DOCK1: variants seen among roughly 807,000 people sequenced by gnomAD.
The protein encoded by DOCK1 is dedicator of cytokinesis 1, also known as dedicator of cytokinesis protein 1.
In DOCK1, 138 loss-of-function variants were observed where a neutral mutation model predicts 262.7. The ratio of observed to expected loss-of-function variants is 0.53; its 90% confidence interval spans 0.46 to 0.61. The LOEUF (loss-of-function observed/expected upper bound fraction) is 0.61, where lower values mean the gene tolerates loss of function less well. Ranked by LOEUF, DOCK1 falls within the 20% of genes least tolerant of loss-of-function variation. The pLI, the probability that DOCK1 is intolerant of heterozygous loss-of-function variation, is 0.00. For synonymous variants in DOCK1, 866 were observed against 867.4 expected (o/e 1.00, Z 0.03); for missense variants, 1,908 against 2,370.7 (o/e 0.80, Z 4.05).
At chr10:126,992,751 C>T (rs1445668647) in intron 6 of DOCK1, among the ~76,000 whole-genome samples, 1 of 143,050 alleles carries the variant, frequency 7.0e-6, no homozygotes, top group African/African-American at 2.6e-5. Context: ...CACACACACA[C>T]ACACACACAC....
At chr10:127,130,804 G>T (rs1410785321) in intron 27 of DOCK1, among the ~76,000 whole-genome samples, 2 of 152,144 alleles carry the variant, frequency 1.3e-5, no homozygotes, top group Non-Finnish European at 2.9e-5. Context: ...TTCCAGCCTG[G>T]ATTTGGTTCC....
intron 2 of DOCK1, 124 bp downstream of exon 2, chr10:126,970,909 C>A (rs955530071): frequency 1.9e-6 from 2 of 1,080,008 alleles, no homozygotes; most frequent in Non-Finnish European, 2.6e-6. Context: ...CCTTCTCAGG[C>A]TCCCTTTTCT....
chr10:127,068,662 T>G (rs967026931), intron 23 of DOCK1, among the ~76,000 whole-genome samples: 1 of 152,224 alleles, frequency 6.6e-6, no homozygotes, highest in African/African-American at 2.4e-5. Flanking sequence ...ACTGTTAGCA[T>G]TTTTGTTTTT....
chr10:127,258,569 A>G (rs1051104731), intron 29 of DOCK1, among the ~76,000 whole-genome samples: 2 of 152,208 alleles, frequency 1.3e-5, no homozygotes, highest in Non-Finnish European at 2.9e-5. Context: ...GGCTATCCCC[A>G]GTTTGTGGCT....
At chr10:127,208,443 T>C (rs954582033) in intron 27 of DOCK1, among the ~76,000 whole-genome samples, 1 of 152,182 alleles carries the variant, frequency 6.6e-6, no homozygotes. Flanking sequence ...TGATGACTGA[T>C]GTAATTTAGT....
chr10:127,062,273 A>G (rs921422176), intron 23 of DOCK1, among the ~76,000 whole-genome samples: 4 of 152,050 alleles, frequency 2.6e-5, no homozygotes, highest in African/African-American at 9.7e-5. Context: ...TAGATGACAC[A>G]TAAAAACTGT....
chr10:127,402,880 C>T (rs534069100), intron 38 of DOCK1, among the ~76,000 whole-genome samples, 175 bp from the exon 39 acceptor site: 2 of 152,316 alleles, frequency 1.3e-5, no homozygotes, highest in South Asian at 2.1e-4. Flanking sequence ...CCGCAGGTCA[C>T]GAGCCAAAAG....
intron 27 of DOCK1, among the ~76,000 whole-genome samples, chr10:127,181,025 CCTCT>C (rs1306895226): frequency 2.0e-5 from 3 of 152,074 alleles, no homozygotes; most frequent in African/African-American, 7.2e-5. Context: ...CTGAAGCAGG[CCTCT>C]GGAAGGCATA....
intron 46 of DOCK1, among the ~76,000 whole-genome samples, chr10:127,422,484 A>G (rs2068579044): frequency 6.6e-6 from 1 of 152,120 alleles, no homozygotes; most frequent in African/African-American, 2.4e-5. Flanking sequence ...TTTAAGTAAT[A>G]GCCATTTTAA....
intron 18 of DOCK1, among the ~76,000 whole-genome samples, chr10:127,036,230 C>A (rs2043606189): frequency 6.6e-6 from 1 of 152,136 alleles, no homozygotes; most frequent in Non-Finnish European, 1.5e-5. Context: ...GTTACCTCCC[C>A]AGGCCAAGTG....
At chr10:127,415,127 T>G (rs745712028) in intron 43 of DOCK1, 25 bp from the exon 44 acceptor site, 115 of 1,596,670 alleles carry the variant, frequency 7.2e-5, no homozygotes, top group Non-Finnish European at 8.9e-5. Flanking sequence ...CTAACCCGTG[T>G]TGTGTGTGTG....
In DOCK1 at chr10:127,410,924, G is replaced by T; in HGVS notation, c.4428G>T (p.Ala1476=). Residue 1476 remains alanine (A), a splice_region_variant and synonymous_variant, in exon 43 of 52, where the codon GCG becomes GCT. Transcript: ENST00000623213. ...AGAAAAACCCAGACAATGAATTTGC[G>T]GTAAAAAACAAACAAACCACCAAAC... ...KGEKNPDNEF[A]NMWIERTIYT... 6.2e-7 allele frequency: 1 copy of T among 1,612,026 alleles called. No homozygotes were observed. Among genetic ancestry groups the T allele is most frequent in the African/African-American group, 1.3e-5 (1 of 74,960 alleles).
intron 1 of DOCK1, among the ~76,000 whole-genome samples, chr10:126,946,174 A>G (rs1244813057): frequency 6.6e-6 from 1 of 152,204 alleles, no homozygotes; most frequent in Non-Finnish European, 1.5e-5. Flanking sequence ...TTGGCATTAA[A>G]TACATCTACA....
intron 21 of DOCK1, among the ~76,000 whole-genome samples, chr10:127,048,413 AT>A (rs576369638): frequency 0.012 from 1,881 of 151,022 alleles, 29 homozygotes; most frequent in African/African-American, 0.034. Context: ...AAATATATGT[AT>A]TTTTTTTTGT....
chr10:127,409,992 C>A (rs147356551), intron 42 of DOCK1, among the ~76,000 whole-genome samples: 299 of 152,290 alleles, frequency 2.0e-3, no homozygotes, highest in African/African-American at 6.9e-3. Context: ...ATAGAAAGAC[C>A]TGCTTTAGCA....
At chr10:127,314,715 A>G (rs1722352792) in intron 29 of DOCK1, among the ~76,000 whole-genome samples, 1 of 152,234 alleles carries the variant, frequency 6.6e-6, no homozygotes, top group South Asian at 2.1e-4. Context: ...GCCAGTTTTC[A>G]TAGTCTTCCC....
At chr10:127,300,689 T>C (rs1360259066) in intron 29 of DOCK1, among the ~76,000 whole-genome samples, 1 of 152,236 alleles carries the variant, frequency 6.6e-6, no homozygotes, top group East Asian at 1.9e-4. Flanking sequence ...GAGCTAGTTT[T>C]TCTTGGGCCT....
intron 38 of DOCK1, among the ~76,000 whole-genome samples, chr10:127,397,213 CA>C (rs1187882003): frequency 1.9e-4 from 18 of 93,658 alleles, no homozygotes; most frequent in African/African-American, 7.3e-4. Context: ...ATCTGAGCAT[CA>C]GTTACACGGG....
chr10:127,093,242 C>CTTTCTTTTTTTCTTTT (rs2047677186), intron 23 of DOCK1, among the ~76,000 whole-genome samples: 1 of 79,342 alleles, frequency 1.3e-5, no homozygotes. Context: ...TTTCTTTCTT[C>CTTTCTTTTTTTCTTTT]TTTTTTTTTT....
Sources: allele counts gnomAD v4.1 joint callset (sites outside exome capture counted in the v4.1 genomes callset), GRCh38; gene constraint gnomAD v4.1.1; transcripts MANE v1.5; gene names NCBI Gene and HGNC (gene_info 2026-07-23, HGNC 2026-07-21).